The following CRNKL1 variants were observed in gnomAD, a reference collection of about 807,000 sequenced individuals.
CRNKL1 encodes the protein crooked neck pre-mRNA splicing factor 1.
CRNKL1 carries 35 observed loss-of-function variants against 103.7 expected under a neutral mutation model. The ratio of observed to expected loss-of-function variants is 0.34; its 90% CI spans 0.26 to 0.45. The LOEUF is 0.45. Ranked by LOEUF, CRNKL1 falls within the 20% of genes least tolerant of loss-of-function variation. The pLI is 1.00. For synonymous variants in CRNKL1, 267 were observed against 282.6 expected (o/e 0.94, Z 0.55); for missense variants, 645 against 836.0 (o/e 0.77, Z 2.82).
chr20:20,055,915 TGA>T (rs2044289352), upstream of CRNKL1: 6 of 1,510,850 alleles, frequency 4.0e-6, no homozygotes, highest in African/African-American at 4.1e-5. Flanking sequence ...ATTGAGACAA[TGA>T]GAGAGAAATT....
chr20:20,043,008 A>G (rs937588584), intron 7 of CRNKL1, among the ~76,000 whole-genome samples: 1 of 152,198 alleles, frequency 6.6e-6, no homozygotes, highest in African/African-American at 2.4e-5. Context: ...AGTATTTTTA[A>G]ATACACAACA....
At chr20:20,040,466 T>C (rs910815312) in intron 10 of CRNKL1, among the ~76,000 whole-genome samples, 4 of 152,210 alleles carry the variant, frequency 2.6e-5, no homozygotes, top group Admixed American at 2.6e-4. Context: ...GTTTCCAATA[T>C]TGAAACAGAA....
At chr20:20,050,247 A>G (rs2043666143) in intron 2 of CRNKL1, among the ~76,000 whole-genome samples, 1 of 152,242 alleles carries the variant, frequency 6.6e-6, no homozygotes, top group South Asian at 2.1e-4. Context: ...CAGCATCAAA[A>G]ATTATGCAGA....
rs753247491 is a variant in CRNKL1, at chr20:20,037,501, A to G, written c.1718T>C (p.Ile573Thr). The change falls in exon 13 of 14, where the codon ATT becomes ACT. Residue 573 changes from isoleucine to threonine, a missense_variant. Coordinates refer to ENST00000536226, the MANE Select transcript of CRNKL1 (RefSeq NM_001278628.2). ...KEGSLTKCRQ[I>T]YEEANKTMRN... ...CATGGTTTTGTTAGCTTCTTCATAAATTTGTCTGCATTTAGTCAAACTTCC... is the reference window on the plus strand; with the variant it reads ...CATGGTTTTGTTAGCTTCTTCATAAGTTTGTCTGCATTTAGTCAAACTTCC... The G allele has an allele frequency of 1.2e-6, 2 of 1,614,124 alleles. No individual in the cohort carries two copies. Among genetic ancestry groups the G allele is most frequent in the Non-Finnish European group, 1.7e-6 (2 of 1,180,016 alleles).
intron 13 of CRNKL1, 108 bp from the exon 14 acceptor site, chr20:20,036,470 T>TAACA: frequency 9.6e-7 from 1 of 1,041,778 alleles, no homozygotes; most frequent in Admixed American, 2.2e-5. Flanking sequence ...TTTTACAAAA[T>TAACA]AACATCAAAG....
upstream of CRNKL1, among the ~76,000 whole-genome samples, chr20:20,055,678 G>A (rs1235460095): frequency 1.3e-5 from 2 of 152,028 alleles, no homozygotes; most frequent in Non-Finnish European, 2.9e-5. Context: ...TGTAGCATTA[G>A]TTTATGATAT....
At chr20:20,045,657 G>A (rs1254034262) in intron 5 of CRNKL1, among the ~76,000 whole-genome samples, 171 bp from the exon 6 acceptor site, 1 of 152,198 alleles carries the variant, frequency 6.6e-6, no homozygotes, top group Non-Finnish European at 1.5e-5. Flanking sequence ...TTCTGTGAGA[G>A]CAGGGCCACG....
chr20:20,045,666 C>T (rs983272483), intron 5 of CRNKL1, among the ~76,000 whole-genome samples, 180 bp from the exon 6 acceptor site: 11 of 152,268 alleles, frequency 7.2e-5, no homozygotes, highest in Admixed American at 2.6e-4. Context: ...AGCAGGGCCA[C>T]GCCTGTTCAT....
chr20:20,041,687 A>G, intron 8 of CRNKL1, 62 bp from the exon 9 acceptor site: 2 of 1,248,176 alleles, frequency 1.6e-6, no homozygotes, highest in Non-Finnish European at 2.3e-6. Context: ...TCATTTTACT[A>G]GTTACTAATT....
intron 5 of CRNKL1, 149 bp downstream of exon 5, chr20:20,047,616 T>C: frequency 1.5e-6 from 1 of 683,704 alleles, no homozygotes; most frequent in Non-Finnish European, 2.2e-6. Flanking sequence ...TCTCTTTCCC[T>C]ACAAAACATA....
At position 20,037,350 on chromosome 20, in the gene CRNKL1, C is replaced by A; in HGVS notation, c.1869G>T (p.Lys623Asn). The A allele has an allele frequency of 6.2e-7, 1 of 1,614,138 alleles. No homozygotes were observed. Among genetic ancestry groups the A allele is most frequent in the Non-Finnish European group, 8.5e-7 (1 of 1,180,020 alleles). The change falls in exon 13 of 14, where the codon AAG (lysine) becomes AAT (asparagine). Residue 623 changes from lysine (K) to asparagine (N), a missense_variant. Coordinates refer to ENST00000536226, the MANE Select transcript of CRNKL1 (RefSeq NM_001278628.2). ...VDKLMPEKVK[K>N]RRKVQTDDGS... ...CATCATCAGTCTGGACCTTTCTTCT[C>A]TTCTTGACTTTCTCTGGCATGAGTT... is the stretch of plus-strand genomic sequence containing the variant.
chr20:20,041,651 A>T, intron 8 of CRNKL1, 26 bp from the exon 9 acceptor site: 1 of 1,563,890 alleles, frequency 6.4e-7, no homozygotes, highest in South Asian at 1.1e-5. Flanking sequence ...AAATTTTCAC[A>T]AAATATTGAA....
chr20:20,037,827 G>A (rs2043446039), intron 12 of CRNKL1, among the ~76,000 whole-genome samples: 1 of 152,128 alleles, frequency 6.6e-6, no homozygotes, highest in South Asian at 2.1e-4. Flanking sequence ...AGTGGCTCAC[G>A]CCTGTAATCC....
At chr20:20,036,715 C>T (rs1042736961) in intron 13 of CRNKL1, among the ~76,000 whole-genome samples, 2 of 152,230 alleles carry the variant, frequency 1.3e-5, no homozygotes, top group African/African-American at 4.8e-5. Context: ...TACATCTGTG[C>T]ATTATTATTC....
chr20:20,034,554 G>GATA lies in CRNKL1; in HGVS notation c.*1638_*1640dup, dbSNP rs2043388122. 2 of 138,398 alleles carry GATA rather than the reference G, an allele frequency of 1.4e-5. No homozygotes were observed. The highest frequency in any genetic ancestry group is 5.0e-5 in the African/African-American group (2 of 40,126). 8.6% of individuals were successfully genotyped at this position (138,398 alleles called of 1,614,324 possible). ...CTTATGCATTCATGCAACATAAACA[G>GATA]ATAATTCTAGGAAGACTGTGATTAA... On this transcript the variant is annotated 3_prime_UTR_variant, in exon 14 of 14. Coordinates refer to ENST00000536226, the MANE Select transcript of CRNKL1 (RefSeq NM_001278628.2).
chr20:20,054,285 T>C (rs2044089588), upstream of CRNKL1, among the ~76,000 whole-genome samples: 1 of 152,042 alleles, frequency 6.6e-6, no homozygotes, highest in Admixed American at 6.5e-5. Context: ...AGGTTAATGG[T>C]TATTTTTTCC....
Position 20,052,403 on chromosome 20 carries a change from A to G in CRNKL1, c.-61T>C, listed in dbSNP as rs770565261. Reference sequence around the variant, plus strand: ...GCACGGACGCTAGAAATCGGCTCTGAGAGCTCACCGAAACCACAAAGCTTT... The same window carrying G: ...GCACGGACGCTAGAAATCGGCTCTGGGAGCTCACCGAAACCACAAAGCTTT... On this transcript the variant is annotated 5_prime_UTR_variant, in exon 1 of 14. Transcript: ENST00000536226. The G allele has an allele frequency of 4.3e-6, 7 of 1,614,072 alleles. No individual in the cohort carries two copies. In the African/African-American group the frequency reaches 8.0e-5, roughly 18 times the overall value.
intron 1 of CRNKL1, among the ~76,000 whole-genome samples, chr20:20,050,893 A>G (rs886173564): frequency 2.0e-5 from 3 of 152,240 alleles, no homozygotes; most frequent in Non-Finnish European, 4.4e-5. Context: ...TTAGATGAGT[A>G]TAATAATAAA....
At chr20:20,041,432 T>C in intron 9 of CRNKL1, 134 bp downstream of exon 9, 1 of 710,014 alleles carries the variant, frequency 1.4e-6, no homozygotes, top group Non-Finnish European at 2.5e-6. Context: ...GGAGCATATC[T>C]CAGTCTTATT....
Sources: gnomAD v4.1 joint callset for allele counts (sites outside exome capture counted in the v4.1 genomes callset) on GRCh38, gnomAD v4.1.1 for gene constraint, MANE v1.5 for transcripts, NCBI Gene and HGNC (gene_info 2026-07-23, HGNC 2026-07-21) for gene names.